The following ASIC2 variants were observed in gnomAD, a reference collection of about 807,000 sequenced individuals.
ASIC2 encodes acid-sensing ion channel 2.
ASIC2 carries 25 observed loss-of-function variants against 57.3 expected under a neutral mutation model. The observed-to-expected ratio is 0.44, with a 90% CI of 0.32 to 0.61. ASIC2 has a LOEUF of 0.61. Ranked by LOEUF, ASIC2 falls within the 20% of genes least tolerant of loss-of-function variation. The pLI is 0.06. For missense variants in ASIC2, 641 were observed against 738.1 expected (o/e 0.87, Z 1.52); for synonymous variants, 319 against 307.5 (o/e 1.04, Z -0.39).
intron 1 of ASIC2, chr17:33,533,486 A>G (rs762879820): frequency 7.2e-5 from 11 of 152,112 alleles, no homozygotes; most frequent in Non-Finnish European, 1.3e-4. Flanking sequence ...TGTTCTCTTG[A>G]CTTACAGGGC....
At chr17:33,875,103 A>G (rs1402919337) in intron 1 of ASIC2, among the ~76,000 whole-genome samples, 1 of 152,214 alleles carries the variant, frequency 6.6e-6, no homozygotes, top group Admixed American at 6.5e-5. Context: ...TGCGGGAATA[A>G]TGCAGGGATT....
intron 1 of ASIC2, among the ~76,000 whole-genome samples, chr17:33,248,860 C>A (rs1192260472): frequency 1.3e-5 from 2 of 152,220 alleles, no homozygotes; most frequent in Admixed American, 6.5e-5. Context: ...TTGACTTAAT[C>A]ATTCCTGCAA....
chr17:33,046,893 C>G (rs1160679213), intron 3 of ASIC2, among the ~76,000 whole-genome samples: 1 of 152,246 alleles, frequency 6.6e-6, no homozygotes, highest in South Asian at 2.1e-4. Context: ...GCCCCAGTCA[C>G]CTTCTTCCTT....
chr17:33,399,698 C>A (rs900208364), intron 1 of ASIC2, among the ~76,000 whole-genome samples: 1 of 152,152 alleles, frequency 6.6e-6, no homozygotes, highest in African/African-American at 2.4e-5. Context: ...GCATCCTTTT[C>A]CCAGCCTCCT....
At chr17:33,755,780 G>C (rs1394704503) in intron 1 of ASIC2, among the ~76,000 whole-genome samples, 1 of 152,130 alleles carries the variant, frequency 6.6e-6, no homozygotes, top group African/African-American at 2.4e-5. Flanking sequence ...GATACAGAGG[G>C]GACCAAAGGA....
intron 1 of ASIC2, among the ~76,000 whole-genome samples, chr17:33,967,712 G>C (rs1014978192): frequency 6.6e-6 from 1 of 152,196 alleles, no homozygotes; most frequent in African/African-American, 2.4e-5. Flanking sequence ...GCTCTCGACA[G>C]TATATCTGAT....
intron 1 of ASIC2, among the ~76,000 whole-genome samples, chr17:33,917,607 T>C (rs1313395573): frequency 1.3e-5 from 2 of 152,196 alleles, no homozygotes; most frequent in South Asian, 4.1e-4. Flanking sequence ...GGTTTCTTCT[T>C]CTTTAATCTA....
intron 1 of ASIC2, chr17:34,070,618 A>G (rs1909362123): frequency 6.6e-6 from 1 of 152,080 alleles, no homozygotes; most frequent in South Asian, 2.1e-4. Flanking sequence ...GAGATACAAG[A>G]TGGCCTCATC....
At chr17:33,554,143 G>A (rs1444644687) in intron 1 of ASIC2, among the ~76,000 whole-genome samples, 1 of 152,234 alleles carries the variant, frequency 6.6e-6, no homozygotes, top group East Asian at 1.9e-4. Context: ...ATTGGTCGGT[G>A]ATGTTTTTAA....
chr17:33,522,124 T>A (rs1347194476), intron 1 of ASIC2, among the ~76,000 whole-genome samples: 1 of 152,132 alleles, frequency 6.6e-6, no homozygotes, highest in Non-Finnish European at 1.5e-5. Flanking sequence ...CACTTCTTTG[T>A]CAGTCCCCCC....
At chr17:33,301,238 A>G (rs1320257344) in intron 1 of ASIC2, among the ~76,000 whole-genome samples, 1 of 148,836 alleles carries the variant, frequency 6.7e-6, no homozygotes, top group Admixed American at 6.7e-5. Flanking sequence ...ATAGGGTTTC[A>G]CCATGTCATC....
At chr17:33,103,063 C>G (rs373395403) in intron 2 of ASIC2, among the ~76,000 whole-genome samples, 35 of 152,268 alleles carry the variant, frequency 2.3e-4, no homozygotes, top group Admixed American at 5.9e-4. Flanking sequence ...TATTACAGGC[C>G]TGAGCCACAG....
chr17:33,996,268 T>C (rs1190941195), intron 1 of ASIC2, among the ~76,000 whole-genome samples: 1 of 152,212 alleles, frequency 6.6e-6, no homozygotes, highest in African/African-American at 2.4e-5. Context: ...ATCAGATGTA[T>C]GGTTTGCAAA....
At chr17:33,498,979 G>T (rs1261702030) in intron 1 of ASIC2, among the ~76,000 whole-genome samples, 1 of 152,184 alleles carries the variant, frequency 6.6e-6, no homozygotes, top group Non-Finnish European at 1.5e-5. Flanking sequence ...TCTGGAAGAC[G>T]AGGAGTTGGG....
intron 1 of ASIC2, among the ~76,000 whole-genome samples, chr17:34,044,130 G>GCACACA (rs762163810): frequency 1.8e-5 from 2 of 108,742 alleles, no homozygotes; most frequent in African/African-American, 7.0e-5. Flanking sequence ...ACACACGCAC[G>GCACACA]CACACACACA....
At chr17:33,973,589 C>T (rs763859316) in intron 1 of ASIC2, among the ~76,000 whole-genome samples, 3 of 152,134 alleles carry the variant, frequency 2.0e-5, no homozygotes, top group Admixed American at 6.5e-5. Flanking sequence ...AATGGAACTC[C>T]GCAGCTCTCT....
intron 1 of ASIC2, among the ~76,000 whole-genome samples, chr17:33,427,987 G>A (rs1911277297): frequency 6.6e-6 from 1 of 152,134 alleles, no homozygotes; most frequent in South Asian, 2.1e-4. Flanking sequence ...CAACCTTGTG[G>A]AGGGGTCCAT....
intron 1 of ASIC2, among the ~76,000 whole-genome samples, chr17:33,535,232 C>T (rs1915188677): frequency 6.6e-6 from 1 of 151,758 alleles, no homozygotes; most frequent in African/African-American, 2.4e-5. Flanking sequence ...CCATGTTGAC[C>T]AGTTCTTAGC....
chr17:33,041,793 A>G (rs2091930706), intron 3 of ASIC2, among the ~76,000 whole-genome samples: 1 of 152,188 alleles, frequency 6.6e-6, no homozygotes, highest in East Asian at 1.9e-4. Context: ...GTTCAGGACT[A>G]GCCGATGGTC....
Sources: allele counts gnomAD v4.1 joint callset (sites outside exome capture counted in the v4.1 genomes callset), GRCh38; gene constraint gnomAD v4.1.1; transcripts MANE v1.5; gene names NCBI Gene and HGNC (gene_info 2026-07-23, HGNC 2026-07-21).